The following ADAM32 variants were observed in gnomAD, a reference collection of about 807,000 sequenced individuals.
The protein encoded by ADAM32 is disintegrin and metalloproteinase domain-containing protein 32.
ADAM32 carries 89 observed loss-of-function variants against 114.9 expected under a neutral mutation model. The observed-to-expected ratio is 0.77, with a 90% CI of 0.65 to 0.92. The LOEUF (loss-of-function observed/expected upper bound fraction) is 0.92, where lower values mean the gene tolerates loss of function less well. Ranked by LOEUF, ADAM32 falls within the 40% of genes least tolerant of loss-of-function variation. ADAM32 has a pLI of 0.00. For synonymous variants in ADAM32, 285 were observed against 307.5 expected (o/e 0.93, Z 0.77); for missense variants, 870 against 932.8 (o/e 0.93, Z 0.88).
At chr8:39,284,665 A>G (rs1284091780) in intron 24 of ADAM32, 128 bp from the exon 25 acceptor site, 1 of 980,862 alleles carries the variant, frequency 1.0e-6, no homozygotes, top group Non-Finnish European at 1.5e-6. Context: ...AATTGTAAAC[A>G]TCCTTTCAAT....
intron 23 of ADAM32, among the ~76,000 whole-genome samples, chr8:39,282,279 T>G (rs944416920): frequency 1.3e-5 from 2 of 152,218 alleles, no homozygotes; most frequent in Non-Finnish European, 2.9e-5. Context: ...CTTGCAGGGT[T>G]AATGCTCAAT....
chr8:39,282,506 G>A (rs1401015584), intron 23 of ADAM32, among the ~76,000 whole-genome samples: 1 of 152,072 alleles, frequency 6.6e-6, no homozygotes, highest in Non-Finnish European at 1.5e-5. Flanking sequence ...CTGGATTTGG[G>A]GAGTATAATT....
intron 19 of ADAM32, among the ~76,000 whole-genome samples, chr8:39,264,763 G>A (rs1315860536): frequency 6.6e-6 from 1 of 152,074 alleles, no homozygotes; most frequent in Non-Finnish European, 1.5e-5. Context: ...GTTTATATTA[G>A]TTTCAAATAA....
chr8:39,274,168 A>G (rs891125689), intron 20 of ADAM32, 144 bp from the exon 21 acceptor site: 3 of 770,860 alleles, frequency 3.9e-6, no homozygotes, highest in South Asian at 1.6e-5. Flanking sequence ...ATCTATGTTC[A>G]GTGACCTTTG....
chr8:39,275,588 T>A (rs1367374796), intron 21 of ADAM32, among the ~76,000 whole-genome samples: 1 of 152,248 alleles, frequency 6.6e-6, no homozygotes, highest in Non-Finnish European at 1.5e-5. Flanking sequence ...AAATCAGTTT[T>A]CTTGTTCCTC....
intron 10 of ADAM32, among the ~76,000 whole-genome samples, chr8:39,176,419 A>G (rs896428969): frequency 1.3e-4 from 20 of 152,150 alleles, no homozygotes; most frequent in African/African-American, 4.8e-4. Flanking sequence ...GAACTTCTTG[A>G]TATCTGGCTT....
chr8:39,211,424 G>C, intron 12 of ADAM32, 100 bp downstream of exon 12: 1 of 1,153,944 alleles, frequency 8.7e-7, no homozygotes, highest in Non-Finnish European at 1.1e-6. Flanking sequence ...GTACCATGCA[G>C]AATGTTGACA....
At chr8:39,134,363 T>C (rs1256391569) in intron 2 of ADAM32, among the ~76,000 whole-genome samples, 1 of 152,064 alleles carries the variant, frequency 6.6e-6, no homozygotes, top group Non-Finnish European at 1.5e-5. Flanking sequence ...GTGGCTTGTA[T>C]TGCAGAGCAT....
chr8:39,221,030 A>T (rs551826608), intron 12 of ADAM32: 1 of 151,226 alleles, frequency 6.6e-6, no homozygotes, highest in Non-Finnish European at 1.5e-5. Context: ...TATTATTGTA[A>T]TTTATTCTTT....
intron 10 of ADAM32, among the ~76,000 whole-genome samples, chr8:39,180,213 C>T (rs1805769936): frequency 2.0e-5 from 3 of 152,204 alleles, no homozygotes; most frequent in Non-Finnish European, 2.9e-5. Flanking sequence ...CTCGGAGCAG[C>T]GGGCCGGCCC....
In ADAM32 at chr8:39,242,635, A is replaced by G. The variant is rs567447977; in HGVS notation, c.1819-3448A>G. On this transcript the variant is annotated intron_variant, in intron 16 of 24. Transcript: ENST00000379907. The stretch of plus-strand genomic sequence containing the variant: ...AGGAAAGACCTGCCTCCATGATTCA[A>G]TTACCTCCCACTGGTTACCTCTCAC... Among the ~76,000 whole-genome samples, 10 of 152,274 alleles carry G rather than the reference A, an allele frequency of 6.6e-5. 1 individual carries two copies. The South Asian group carries it at 2.1e-3, about 32-fold the overall frequency.
intron 22 of ADAM32, among the ~76,000 whole-genome samples, chr8:39,278,353 G>A (rs1423719622): frequency 2.0e-5 from 3 of 152,114 alleles, no homozygotes; most frequent in African/African-American, 4.8e-5. Context: ...TTGGATGGTG[G>A]TTTCCGGCTT....
At chr8:39,215,853 A>G (rs1808520016) in intron 12 of ADAM32, among the ~76,000 whole-genome samples, 1 of 152,046 alleles carries the variant, frequency 6.6e-6, no homozygotes, top group South Asian at 2.1e-4. Flanking sequence ...GAAGAAAAGA[A>G]TGTGTGTTTT....
At chr8:39,239,020 TC>T (rs1216086539) in intron 16 of ADAM32, among the ~76,000 whole-genome samples, 2 of 152,108 alleles carry the variant, frequency 1.3e-5, no homozygotes, top group Non-Finnish European at 2.9e-5. Context: ...AAGGAGAACT[TC>T]CCTGGCCTTG....
At chr8:39,164,942 T>A (rs1463730562) in intron 8 of ADAM32, 88 bp from the exon 9 acceptor site, 6 of 1,479,582 alleles carry the variant, frequency 4.1e-6, no homozygotes, top group Non-Finnish European at 5.5e-6. Context: ...ATAAACTGAG[T>A]GTGGGATTGT....
At chr8:39,183,363 G>A (rs1806031065) in intron 10 of ADAM32, among the ~76,000 whole-genome samples, 1 of 152,080 alleles carries the variant, frequency 6.6e-6, no homozygotes, top group Admixed American at 6.5e-5. Flanking sequence ...AGAATGGTGG[G>A]GAAGTTAAAT....
chr8:39,134,176 C>T (rs1802637586), intron 2 of ADAM32, among the ~76,000 whole-genome samples: 1 of 152,056 alleles, frequency 6.6e-6, no homozygotes, highest in African/African-American at 2.4e-5. Context: ...GGAAATGGGG[C>T]TGTTGGGTCC....
At chr8:39,204,557 T>G (rs1377244367) in intron 11 of ADAM32, among the ~76,000 whole-genome samples, 1 of 152,222 alleles carries the variant, frequency 6.6e-6, no homozygotes, top group Non-Finnish European at 1.5e-5. Context: ...GCTTTTTAGC[T>G]TCTTTGTGAT....
At chr8:39,178,590 A>G (rs1805659692) in intron 10 of ADAM32, among the ~76,000 whole-genome samples, 1 of 152,172 alleles carries the variant, frequency 6.6e-6, no homozygotes, top group Admixed American at 6.5e-5. Flanking sequence ...GGAGGAGCAG[A>G]GACATTCTGG....
Sources: allele counts gnomAD v4.1 joint callset (sites outside exome capture counted in the v4.1 genomes callset), GRCh38; gene constraint gnomAD v4.1.1; transcripts MANE v1.5; gene names NCBI Gene and HGNC (gene_info 2026-07-23, HGNC 2026-07-21).